CCSER1: variants seen among roughly 807,000 people sequenced by gnomAD.
CCSER1 encodes serine-rich coiled-coil domain-containing protein 1.
In CCSER1, 41 loss-of-function variants were observed where a neutral mutation model predicts 82.0. The ratio of observed to expected loss-of-function variants is 0.50; its 90% CI spans 0.39 to 0.65. CCSER1 has a LOEUF of 0.65. CCSER1 is among the 30% of genes least tolerant of loss of function. CCSER1 has a pLI of 0.00. For missense variants in CCSER1, 1,119 were observed against 1,064.2 expected, an observed-to-expected ratio of 1.05 and a Z score of -0.72; for synonymous variants, 414 against 383.9, an observed-to-expected ratio of 1.08 and a Z score of -0.92.
intron 10 of CCSER1, among the ~76,000 whole-genome samples, chr4:91,214,495 T>G (rs1463646977): frequency 1.3e-5 from 2 of 152,224 alleles, no homozygotes; most frequent in Non-Finnish European, 2.9e-5. Context: ...TATTCCCGAA[T>G]GCTACTTAAA....
intron 5 of CCSER1, among the ~76,000 whole-genome samples, chr4:90,480,706 C>T (rs759992726): frequency 2.0e-5 from 3 of 152,116 alleles, no homozygotes. Flanking sequence ...GGGATTATTT[C>T]TGAGGGCTCT....
intron 10 of CCSER1, among the ~76,000 whole-genome samples, chr4:91,103,779 C>G (rs1228244174): frequency 6.6e-6 from 1 of 151,956 alleles, no homozygotes; most frequent in Non-Finnish European, 1.5e-5. Context: ...AATCAGTGAA[C>G]CTTGAAAAAG....
chr4:90,247,403 A>G (rs1370144297), intron 1 of CCSER1, among the ~76,000 whole-genome samples: 2 of 152,172 alleles, frequency 1.3e-5, no homozygotes, highest in African/African-American at 2.4e-5. Flanking sequence ...TCGGAATAAT[A>G]TAGATAGAAA....
At chr4:91,232,585 GGAAA>G (rs1170002668) in intron 10 of CCSER1, among the ~76,000 whole-genome samples, 1 of 151,526 alleles carries the variant, frequency 6.6e-6, no homozygotes, top group East Asian at 1.9e-4. Flanking sequence ...AACAGGAATA[GGAAA>G]GAAACATATT....
chr4:91,096,386 G>T (rs1054513203), intron 10 of CCSER1, among the ~76,000 whole-genome samples: 1 of 152,192 alleles, frequency 6.6e-6, no homozygotes, highest in African/African-American at 2.4e-5. Context: ...AACTTTAGGG[G>T]CTGGCTTCCC....
intron 10 of CCSER1, among the ~76,000 whole-genome samples, chr4:91,465,855 T>C (rs1262768228): frequency 6.6e-6 from 1 of 152,106 alleles, no homozygotes; most frequent in Non-Finnish European, 1.5e-5. Flanking sequence ...ATTTAGGCAA[T>C]AATTAAGAGC....
chr4:90,786,776 C>T (rs375335365), intron 7 of CCSER1, among the ~76,000 whole-genome samples: 22 of 152,304 alleles, frequency 1.4e-4, no homozygotes, highest in Middle Eastern at 6.8e-3. Context: ...TGGGTATCCT[C>T]TAATGCAATT....
At position 91,164,895 on chromosome 4, in the gene CCSER1, A is replaced by C. The variant is rs186257765; in HGVS notation, c.2217+78901A>C. ...TCAAACGTCTTCCTTTAGCTCGAAG[A>C]AGTTTGTTATTACCGACCTTCTGAA... On this transcript the variant is annotated intron_variant, in intron 10 of 10. Transcript: ENST00000509176. Among the ~76,000 whole-genome samples the C allele has an allele frequency of 1.5e-3, 233 of 152,230 alleles. 1 individual carries two copies. The highest frequency in any genetic ancestry group is 3.0e-3 in the Non-Finnish European group (204 of 67,982).
At chr4:90,548,749 T>TATATATATATATAC (rs950440676) in intron 5 of CCSER1, among the ~76,000 whole-genome samples, 4 of 147,846 alleles carry the variant, frequency 2.7e-5, no homozygotes, top group African/African-American at 1.0e-4. Flanking sequence ...TATATATATA[T>TATATATATATATAC]ACACACACAC....
At chr4:90,653,714 G>A (rs1222576801) in intron 6 of CCSER1, among the ~76,000 whole-genome samples, 2 of 151,932 alleles carry the variant, frequency 1.3e-5, no homozygotes, top group African/African-American at 4.8e-5. Flanking sequence ...TTTCCTTATT[G>A]AGTGATATGC....
chr4:91,531,459 A>G (rs142434535), intron 10 of CCSER1, among the ~76,000 whole-genome samples: 1 of 152,336 alleles, frequency 6.6e-6, no homozygotes, highest in East Asian at 1.9e-4. Flanking sequence ...AAACAAAGAT[A>G]ATAATGTAAG....
At chr4:90,507,607 T>A (rs967367489) in intron 5 of CCSER1, among the ~76,000 whole-genome samples, 6 of 152,172 alleles carry the variant, frequency 3.9e-5, no homozygotes, top group African/African-American at 1.4e-4. Context: ...TAATGGTCAA[T>A]TTAAGCTATA....
At chr4:90,351,909 CT>C (rs1375470411) in intron 3 of CCSER1, among the ~76,000 whole-genome samples, 1 of 152,062 alleles carries the variant, frequency 6.6e-6, no homozygotes, top group Admixed American at 6.6e-5. Flanking sequence ...TCCATTTATA[CT>C]TTTTTTGTGT....
intron 1 of CCSER1, among the ~76,000 whole-genome samples, chr4:90,167,809 C>A (rs1260418470): frequency 2.0e-5 from 3 of 151,740 alleles, no homozygotes; most frequent in African/African-American, 4.8e-5. Flanking sequence ...TGAACTCATC[C>A]TTTTTTATGG....
chr4:90,461,278 G>A lies in CCSER1; in HGVS notation c.1604-6956G>A, dbSNP rs374452553. Among the ~76,000 whole-genome samples the A allele has an allele frequency of 2.4e-4, 28 of 118,444 alleles. 4 individuals carry two copies. The highest frequency in any genetic ancestry group is 1.2e-3 in the East Asian group (6 of 5,072). The allele number at this position is 118,444 out of a possible 152,430, so 77.7% of individuals were successfully genotyped here. A position where few individuals can be genotyped will look rare whatever the true frequency, so the allele number is the denominator to read the frequency against. On this transcript the variant is annotated intron_variant, in intron 4 of 10. Coordinates refer to ENST00000509176, the MANE Select transcript of CCSER1 (RefSeq NM_001145065.2). ...GACGGGGTTTCACCGTTTTTTAGCC[G>A]GGATGGTCTCGATCTCCTGACCTCG...
intron 10 of CCSER1, among the ~76,000 whole-genome samples, chr4:91,116,513 T>A (rs1349061946): frequency 1.3e-5 from 2 of 152,200 alleles, no homozygotes; most frequent in African/African-American, 4.8e-5. Context: ...GAGCCTCAGT[T>A]TTCTCCTCCT....
intron 10 of CCSER1, among the ~76,000 whole-genome samples, chr4:91,113,819 TG>T (rs1278852011): frequency 6.6e-6 from 1 of 151,954 alleles, no homozygotes; most frequent in African/African-American, 2.4e-5. Context: ...CAGTTATTTA[TG>T]TTTTTTGCAA....
At chr4:91,166,929 G>A (rs1234578057) in intron 10 of CCSER1, among the ~76,000 whole-genome samples, 1 of 152,044 alleles carries the variant, frequency 6.6e-6, no homozygotes, top group Non-Finnish European at 1.5e-5. Flanking sequence ...AAGCTAAAAT[G>A]TTAAAGCAGA....
chr4:90,763,555 T>C (rs540760902), intron 7 of CCSER1, among the ~76,000 whole-genome samples: 1 of 152,262 alleles, frequency 6.6e-6, no homozygotes, highest in Admixed American at 6.5e-5. Context: ...TTACAAACAA[T>C]GTATCCATTG....
Sources: gnomAD v4.1 joint callset for allele counts (sites outside exome capture counted in the v4.1 genomes callset) on GRCh38, gnomAD v4.1.1 for gene constraint, MANE v1.5 for transcripts, NCBI Gene and HGNC (gene_info 2026-07-23, HGNC 2026-07-21) for gene names.